Variants in FOXP1 observed in about 807,000 individuals in gnomAD.
FOXP1 encodes the protein forkhead box P1.
In FOXP1, 15 loss-of-function variants were observed where a neutral mutation model predicts 98.2. The ratio of observed to expected loss-of-function variants is 0.15; its 90% CI spans 0.10 to 0.24. The LOEUF (loss-of-function observed/expected upper bound fraction) is 0.24, where lower values mean the gene tolerates loss of function less well. Ranked by LOEUF, FOXP1 falls within the 10% of genes least tolerant of loss-of-function variation. FOXP1 has a pLI of 1.00. For missense variants in FOXP1, 633 were observed against 848.5 expected (o/e 0.75, Z 3.15); for synonymous variants, 371 against 314.5 (o/e 1.18, Z -1.90).
intron 5 of FOXP1, among the ~76,000 whole-genome samples, chr3:71,232,558 A>G (rs2066377626): frequency 6.6e-6 from 1 of 152,038 alleles, no homozygotes; most frequent in Non-Finnish European, 1.5e-5. Context: ...CATAGATCTC[A>G]AAAAATGAAA....
intron 7 of FOXP1, among the ~76,000 whole-genome samples, chr3:71,085,312 TA>T (rs200406422): frequency 2.6e-5 from 4 of 151,768 alleles, no homozygotes; most frequent in Non-Finnish European, 5.9e-5. Context: ...TCAGCTAATT[TA>T]AAAAAAAATT....
intron 6 of FOXP1, chr3:71,131,063 A>G (rs1372135773): frequency 3.1e-6 from 1 of 327,206 alleles, no homozygotes; most frequent in Non-Finnish European, 4.4e-6. Flanking sequence ...AAAAAAAAAG[A>G]AGAAGAAGAA....
chr3:70,955,857 A>ACACACACACAC lies in FOXP1; in HGVS notation c.*3389_*3390insGTGTGTGTGTG. ...GCACACACACACACACACACACACA[A>ACACACACACAC]AACCTGTACAAAATGCTCCAATCAA... On this transcript the variant is annotated 3_prime_UTR_variant, in exon 21 of 21. Transcript: ENST00000649528. 1 of 209,752 alleles carries ACACACACACAC rather than the reference A, an allele frequency of 4.8e-6. No individual in the cohort carries two copies. The highest frequency in any genetic ancestry group is 7.8e-5 in the East Asian group (1 of 12,816). The allele number at this position is 209,752 out of a possible 1,614,324, so 13.0% of individuals were successfully genotyped here.
At chr3:71,131,885 G>A (rs1312640478) in intron 6 of FOXP1, among the ~76,000 whole-genome samples, 1 of 152,116 alleles carries the variant, frequency 6.6e-6, no homozygotes, top group African/African-American at 2.4e-5. Flanking sequence ...GACTAGGCTG[G>A]GGGAAAAAAT....
intron 6 of FOXP1, among the ~76,000 whole-genome samples, chr3:71,188,716 CT>C (rs1264401481): frequency 3.3e-5 from 5 of 152,168 alleles, no homozygotes; most frequent in Non-Finnish European, 7.3e-5. Flanking sequence ...TGCTTTGTCT[CT>C]TTTAATAGGT....
intron 11 of FOXP1, among the ~76,000 whole-genome samples, chr3:71,040,723 A>C (rs2048228785): frequency 1.3e-5 from 2 of 152,156 alleles, no homozygotes; most frequent in African/African-American, 2.4e-5. Flanking sequence ...AATGAAGAGA[A>C]AGTGTGCTGT....
intron 5 of FOXP1, among the ~76,000 whole-genome samples, chr3:71,260,394 G>A (rs959999210): frequency 6.6e-6 from 1 of 152,110 alleles, no homozygotes; most frequent in African/African-American, 2.4e-5. Flanking sequence ...AGAATTTATG[G>A]GATGATTCAT....
chr3:71,464,947 T>C (rs190629703), intron 3 of FOXP1, among the ~76,000 whole-genome samples: 1 of 152,326 alleles, frequency 6.6e-6, no homozygotes. Context: ...ATGGAGACTG[T>C]AGCACCTGCC....
chr3:71,295,937 A>C (rs1391560831), intron 5 of FOXP1: 3 of 152,148 alleles, frequency 2.0e-5, no homozygotes, highest in Non-Finnish European at 4.4e-5. Flanking sequence ...CCGTTTTTCC[A>C]GTCTGTAAAG....
chr3:71,044,608 T>C (rs1020968126), intron 10 of FOXP1, among the ~76,000 whole-genome samples: 1 of 152,246 alleles, frequency 6.6e-6, no homozygotes, highest in Non-Finnish European at 1.5e-5. Context: ...GGCAAGGCCA[T>C]GAACAGGTAT....
intron 2 of FOXP1, among the ~76,000 whole-genome samples, chr3:71,511,050 G>C (rs2042169012): frequency 6.6e-6 from 1 of 152,204 alleles, no homozygotes; most frequent in Non-Finnish European, 1.5e-5. Context: ...ATGTTTGGCA[G>C]TTCTTTCCTT....
At chr3:71,579,908 T>A (rs1173821153) in intron 2 of FOXP1, among the ~76,000 whole-genome samples, 1 of 152,230 alleles carries the variant, frequency 6.6e-6, no homozygotes, top group Non-Finnish European at 1.5e-5. Flanking sequence ...CGACTCGGCA[T>A]CCATAAGGAA....
chr3:71,180,185 GT>G (rs2062203439), intron 6 of FOXP1, among the ~76,000 whole-genome samples: 1 of 151,570 alleles, frequency 6.6e-6, no homozygotes, highest in Non-Finnish European at 1.5e-5. Context: ...CCACCTTTTT[GT>G]TTTTCTTGTT....
At chr3:71,031,277 T>G (rs546191482) in intron 11 of FOXP1, among the ~76,000 whole-genome samples, 1 of 152,324 alleles carries the variant, frequency 6.6e-6, no homozygotes, top group East Asian at 1.9e-4. Flanking sequence ...GCCATTAGAC[T>G]GATTTCCTTG....
chr3:71,489,836 T>A (rs1048865392), intron 3 of FOXP1, among the ~76,000 whole-genome samples: 1 of 152,214 alleles, frequency 6.6e-6, no homozygotes, highest in Non-Finnish European at 1.5e-5. Flanking sequence ...GCCATAATGA[T>A]CTATCTGTGC....
chr3:71,525,737 A>T (rs1413998217), intron 2 of FOXP1, among the ~76,000 whole-genome samples: 1 of 152,304 alleles, frequency 6.6e-6, no homozygotes, highest in East Asian at 1.9e-4. Flanking sequence ...AATTACAATA[A>T]TCCATAGAAA....
intron 12 of FOXP1, among the ~76,000 whole-genome samples, chr3:71,008,861 G>GA (rs527786989): frequency 4.7e-4 from 70 of 150,274 alleles, no homozygotes; most frequent in Admixed American, 3.2e-3. Context: ...CCTCAGGAGG[G>GA]AAAAAAAAAT....
At chr3:71,421,376 A>T (rs752904041) in intron 3 of FOXP1, among the ~76,000 whole-genome samples, 1 of 152,224 alleles carries the variant, frequency 6.6e-6, no homozygotes, top group Non-Finnish European at 1.5e-5. Context: ...TAATTTCAGA[A>T]AAAAAGAATA....
intron 6 of FOXP1, among the ~76,000 whole-genome samples, chr3:71,147,599 T>C (rs2060372041): frequency 6.6e-6 from 1 of 152,240 alleles, no homozygotes; most frequent in Non-Finnish European, 1.5e-5. Context: ...ATTATGCTTA[T>C]TGATTTACAA....
Sources: gnomAD v4.1 joint callset for allele counts (sites outside exome capture counted in the v4.1 genomes callset) on GRCh38, gnomAD v4.1.1 for gene constraint, MANE v1.5 for transcripts, NCBI Gene and HGNC (gene_info 2026-07-23, HGNC 2026-07-21) for gene names.